Variants in ZSCAN25 observed in about 807,000 individuals in gnomAD.
The protein encoded by ZSCAN25 is zinc finger and SCAN domain-containing protein 25.
Under a neutral mutation model 38.7 loss-of-function variants are expected in ZSCAN25, and 27 were observed. That is an observed-to-expected ratio of 0.70 (90% CI 0.51 to 0.96). The LOEUF is 0.96. Among genes scored for constraint, ZSCAN25 ranks in the 40% least tolerant of loss-of-function variants. The pLI is 0.00. For synonymous variants in ZSCAN25, 273 were observed against 277.7 expected (o/e 0.98, Z 0.17); for missense variants, 637 against 705.9 (o/e 0.90, Z 1.11).
intron 7 of ZSCAN25, among the ~76,000 whole-genome samples, chr7:99,624,798 G>A (rs931419784): frequency 2.6e-5 from 4 of 152,156 alleles, no homozygotes; most frequent in African/African-American, 7.2e-5. Flanking sequence ...GAGGAGCAGC[G>A]AGAGAGAGCC....
the ZSCAN25 span, among the ~76,000 whole-genome samples, chr7:99,682,434 C>T: frequency 2.6e-5 from 4 of 152,114 alleles, no homozygotes; most frequent in South Asian, 4.1e-4. Context: ...ATGAGTTCAC[C>T]GTAGGTGTGT....
intron 1 of ZSCAN25, among the ~76,000 whole-genome samples, chr7:99,617,637 C>T (rs1054764779): frequency 5.3e-5 from 8 of 152,140 alleles, no homozygotes; most frequent in Admixed American, 1.3e-4. Context: ...CCCAGCTACT[C>T]GGGAGGCTGA....
Position 99,619,974 on chromosome 7 carries a change from G to C in ZSCAN25, c.368G>C (p.Arg123Thr). Residue 123 changes from arginine (R) to threonine (T), a missense_variant, in exon 4 of 8, where the codon AGA becomes ACA. Coordinates refer to ENST00000394152, the MANE Select transcript of ZSCAN25 (RefSeq NM_145115.3). ...LAAMVEDLTERALEAKAVPCH... is the reference protein window; with the variant it reads ...LAAMVEDLTETALEAKAVPCH... ...GCCATGGTGGAGGACCTGACAGAAA[G>C]AGCACTGGAGGCCAAGGCGGTGGGT... 6.2e-7 allele frequency: 1 copy of C among 1,613,500 alleles called. No homozygotes were observed. Among genetic ancestry groups the C allele is most frequent in the Non-Finnish European group, 8.5e-7 (1 of 1,179,908 alleles).
the ZSCAN25 span, among the ~76,000 whole-genome samples, chr7:99,704,317 G>A: frequency 1.2e-4 from 19 of 152,204 alleles, no homozygotes; most frequent in African/African-American, 4.6e-4. Context: ...TTTAGATGCA[G>A]TCTCACTCTG....
At chr7:99,661,221 C>T in the ZSCAN25 span, among the ~76,000 whole-genome samples, 1 of 152,206 alleles carries the variant, frequency 6.6e-6, no homozygotes, top group Non-Finnish European at 1.5e-5. Flanking sequence ...CATGGACCAG[C>T]AGCACCAGCC....
the ZSCAN25 span, chr7:99,665,408 A>T: frequency 1.3e-6 from 2 of 1,503,772 alleles, no homozygotes; most frequent in South Asian, 2.3e-5. Context: ...CAGTCAAGAC[A>T]CATAAAGAGC....
downstream of ZSCAN25, among the ~76,000 whole-genome samples, chr7:99,632,989 G>GTTGTTTTTTTTTTTTT (rs1554412109): frequency 7.8e-5 from 10 of 128,524 alleles, no homozygotes; most frequent in African/African-American, 2.7e-4. Context: ...ATTTTCTGTT[G>GTTGTTTTTTTTTTTTT]TTTTTTTTTT....
chr7:99,660,687 T>G, the ZSCAN25 span: 2 of 1,612,240 alleles, frequency 1.2e-6, no homozygotes, highest in Non-Finnish European at 8.5e-7. Flanking sequence ...ACATTTTAGG[T>G]AAATCAGGTC....
downstream of ZSCAN25, among the ~76,000 whole-genome samples, chr7:99,637,222 A>C (rs191529188): frequency 1.3e-5 from 2 of 152,214 alleles, no homozygotes; most frequent in Non-Finnish European, 2.9e-5. Context: ...ATGCTTTATT[A>C]ATGAACAAAG....
chr7:99,628,461 T>C (rs1425602180), intron 7 of ZSCAN25, among the ~76,000 whole-genome samples: 1 of 152,188 alleles, frequency 6.6e-6, no homozygotes, highest in Non-Finnish European at 1.5e-5. Flanking sequence ...TTAGAGAGAA[T>C]ATAAGAAGGA....
chr7:99,691,081 G>C, the ZSCAN25 span, among the ~76,000 whole-genome samples: 1 of 152,050 alleles, frequency 6.6e-6, no homozygotes, highest in South Asian at 2.1e-4. Flanking sequence ...AAGAAAATGT[G>C]GCACATATAC....
At chr7:99,672,740 A>T in the ZSCAN25 span, 1 of 1,608,812 alleles carries the variant, frequency 6.2e-7, no homozygotes, top group Non-Finnish European at 8.5e-7. Flanking sequence ...CTGGAGCCAC[A>T]CCCAGGAAGC....
At chr7:99,702,649 C>T in the ZSCAN25 span, among the ~76,000 whole-genome samples, 1 of 152,090 alleles carries the variant, frequency 6.6e-6, no homozygotes, top group Admixed American at 6.5e-5. Context: ...GGTTATTATA[C>T]CCCTGTAGTA....
chr7:99,649,080 G>A, the ZSCAN25 span, among the ~76,000 whole-genome samples: 2 of 152,176 alleles, frequency 1.3e-5, no homozygotes, highest in Non-Finnish European at 2.9e-5. Flanking sequence ...TCTGATCTCA[G>A]TTCAGTGAGG....
chr7:99,645,053 C>T, the ZSCAN25 span, among the ~76,000 whole-genome samples: 13 of 152,240 alleles, frequency 8.5e-5, no homozygotes, highest in South Asian at 1.2e-3. Flanking sequence ...TGCAATGGCG[C>T]GATCTTGGCT....
the ZSCAN25 span, among the ~76,000 whole-genome samples, chr7:99,705,749 C>G: frequency 6.6e-6 from 1 of 152,172 alleles, no homozygotes; most frequent in Non-Finnish European, 1.5e-5. Context: ...TATACTTACT[C>G]TATAAGATGT....
Position 99,622,561 on chromosome 7 carries a change from T to G in ZSCAN25, c.602T>G (p.Leu201Arg). ...RAFQEQALPVLQAGPGLPAVN... is the reference protein window; with the variant it reads ...RAFQEQALPVRQAGPGLPAVN... ...TGTCCCTGCTCAGCACTACCTGTTC[T>G]GCAGGCGGGTCCTGGCCTCCCCGCA... is the stretch of plus-strand genomic sequence containing the variant. Residue 201 changes from leucine to arginine, a missense_variant, in exon 6 of 8, where the codon CTG becomes CGG. Leu to Arg is a moderately radical substitution (Grantham distance 102). Transcript: ENST00000394152. 6.2e-7 allele frequency: 1 copy of G among 1,614,210 alleles called. No homozygotes were observed. The highest frequency in any genetic ancestry group is 8.5e-7 in the Non-Finnish European group (1 of 1,180,030).
At chr7:99,689,552 A>G in the ZSCAN25 span, among the ~76,000 whole-genome samples, 379 of 152,136 alleles carry the variant, frequency 2.5e-3, 16 homozygotes, top group East Asian at 0.06. Context: ...AAAGTCCAGG[A>G]CCCATCGTCT....
intron 7 of ZSCAN25, 152 bp downstream of exon 7, chr7:99,624,332 C>T (rs1345349762): frequency 3.6e-6 from 3 of 844,366 alleles, no homozygotes; most frequent in Non-Finnish European, 5.5e-6. Flanking sequence ...GCACGAGGAG[C>T]TGCTTTCCTG....
Sources: gnomAD v4.1 joint callset for allele counts (sites outside exome capture counted in the v4.1 genomes callset) on GRCh38, gnomAD v4.1.1 for gene constraint, MANE v1.5 for transcripts, NCBI Gene and HGNC (gene_info 2026-07-23, HGNC 2026-07-21) for gene names.